CASZ1: variants seen among roughly 807,000 people sequenced by gnomAD.
The protein encoded by CASZ1 is castor zinc finger 1.
A neutral mutation model predicts 135.2 loss-of-function variants in CASZ1; 28 were observed. That is an observed-to-expected ratio of 0.21 (90% CI 0.15 to 0.28). The LOEUF is 0.28. Ranked by LOEUF, CASZ1 falls within the 10% of genes least tolerant of loss-of-function variation. CASZ1 has a pLI of 1.00. For synonymous variants in CASZ1, 1,068 were observed against 1,073.4 expected (o/e 0.99, Z 0.10); for missense variants, 2,161 against 2,453.3 (o/e 0.88, Z 2.52).
chr1:10,654,710 C>T, intron 9 of CASZ1, 119 bp from the exon 10 acceptor site: 1 of 954,446 alleles, frequency 1.0e-6, no homozygotes, highest in Non-Finnish European at 1.6e-6. Flanking sequence ...TTTGGCACCT[C>T]TGACTTCAAA....
At chr1:10,742,859 C>T (rs565317939) in intron 2 of CASZ1, among the ~76,000 whole-genome samples, 2 of 152,200 alleles carry the variant, frequency 1.3e-5, no homozygotes, top group African/African-American at 2.4e-5. Context: ...GTGGCACACG[C>T]CTGTAATCCC....
At chr1:10,768,717 C>T (rs765865916) in intron 1 of CASZ1, among the ~76,000 whole-genome samples, 1 of 152,182 alleles carries the variant, frequency 6.6e-6, no homozygotes, top group Non-Finnish European at 1.5e-5. Context: ...ATCAGCCGGC[C>T]GGGCTTGCTC....
intron 2 of CASZ1, among the ~76,000 whole-genome samples, chr1:10,718,668 C>T (rs762976293): frequency 6.6e-6 from 1 of 152,230 alleles, no homozygotes; most frequent in Non-Finnish European, 1.5e-5. Context: ...GACACAGTCA[C>T]CTCCATGCTT....
intron 2 of CASZ1, among the ~76,000 whole-genome samples, chr1:10,732,923 G>C (rs1440920500): frequency 6.6e-6 from 1 of 152,158 alleles, no homozygotes; most frequent in Admixed American, 6.5e-5. Flanking sequence ...TCCCAGGGAC[G>C]TGTTAATTAT....
In CASZ1 at chr1:10,643,012, C is replaced by G; in HGVS notation, c.4021-12G>C. On this transcript the variant is annotated splice_polypyrimidine_tract_variant and intron_variant, in intron 19 of 20. Transcript: ENST00000377022. ...AGGCCTGGGGGGCCCTGAAAGGACA[C>G]GGGGGTCCCTGAGGAAGTGGGGCTG... 1.2e-6 allele frequency: 2 copies of G among 1,610,446 alleles called. No individual in the cohort carries two copies. Among genetic ancestry groups the G allele is most frequent in the Non-Finnish European group, 1.7e-6 (2 of 1,178,134 alleles).
intron 1 of CASZ1, among the ~76,000 whole-genome samples, chr1:10,792,383 T>G (rs1640977803): frequency 1.2e-5 from 1 of 84,970 alleles, no homozygotes; most frequent in Non-Finnish European, 2.1e-5. Flanking sequence ...GGGGTGGGGT[T>G]GGGGGGGGTG....
chr1:10,678,599 G>A (rs544408040), intron 4 of CASZ1, among the ~76,000 whole-genome samples: 29 of 152,266 alleles, frequency 1.9e-4, no homozygotes, highest in African/African-American at 6.3e-4. Context: ...GCCGGCTCGC[G>A]CAGGGGCCGT....
At chr1:10,673,099 G>A (rs748852103) in intron 4 of CASZ1, among the ~76,000 whole-genome samples, 2 of 152,144 alleles carry the variant, frequency 1.3e-5, no homozygotes, top group Admixed American at 6.5e-5. Context: ...CCTGGGGACC[G>A]GGAGGGCCCT....
chr1:10,752,389 G>A (rs1049862001), intron 2 of CASZ1, among the ~76,000 whole-genome samples: 2 of 152,230 alleles, frequency 1.3e-5, no homozygotes, highest in Admixed American at 1.3e-4. Flanking sequence ...AGCCTCACCA[G>A]GGAAGGCGGT....
Position 10,694,341 on chromosome 1 carries a change from T to C in CASZ1, c.-23-429A>G. On this transcript the variant is annotated intron_variant, in intron 3 of 20. Coordinates refer to ENST00000377022, the MANE Select transcript of CASZ1 (RefSeq NM_001079843.3). The surrounding 1 kb of genome is among the most constrained non-coding windows in gnomAD (Gnocchi z 6.6). Reference sequence around the variant, plus strand: ...GCCGAATTCACTTAAATAATCAACTTTCATAATACTTAATTAATGCCTAAT... The same window carrying C: ...GCCGAATTCACTTAAATAATCAACTCTCATAATACTTAATTAATGCCTAAT... 1 of 1,147,772 alleles carries C rather than the reference T, an allele frequency of 8.7e-7. No homozygotes were observed. The highest frequency in any genetic ancestry group is 1.1e-6 in the Non-Finnish European group (1 of 908,388). The allele number at this position is 1,147,772 out of a possible 1,614,324, so 71.1% of individuals were successfully genotyped here. A position where few individuals can be genotyped will look rare whatever the true frequency, so the allele number is the denominator to read the frequency against.
chr1:10,772,823 T>C (rs1207054793), intron 1 of CASZ1, among the ~76,000 whole-genome samples: 1 of 152,172 alleles, frequency 6.6e-6, no homozygotes, highest in African/African-American at 2.4e-5. Context: ...AAGAGCTGTA[T>C]GGGTGGGCTC....
chr1:10,667,077 T>C (rs1557488193), intron 4 of CASZ1, among the ~76,000 whole-genome samples: 1 of 152,168 alleles, frequency 6.6e-6, no homozygotes, highest in African/African-American at 2.4e-5. Flanking sequence ...ACTCTAATGA[T>C]CACCCCCTGC....
chr1:10,743,424 C>T (rs563184666), intron 2 of CASZ1, among the ~76,000 whole-genome samples: 101 of 151,906 alleles, frequency 6.6e-4, no homozygotes, highest in African/African-American at 2.2e-3. Flanking sequence ...TGAAGGAGAG[C>T]CCTGGGAGAG....
intron 4 of CASZ1, among the ~76,000 whole-genome samples, chr1:10,668,546 C>T (rs769095909): frequency 6.6e-6 from 1 of 152,160 alleles, no homozygotes; most frequent in Non-Finnish European, 1.5e-5. Flanking sequence ...GAGGGGCTGC[C>T]GAGGTGGGCT....
At chr1:10,763,138 C>A (rs1003094655) in intron 1 of CASZ1, among the ~76,000 whole-genome samples, 1 of 152,218 alleles carries the variant, frequency 6.6e-6, no homozygotes, top group Non-Finnish European at 1.5e-5. Context: ...GCACAGGCCG[C>A]GGGGCCTTCC....
chr1:10,665,515 G>A lies in CASZ1; in HGVS notation c.73C>T (p.Arg25Cys), dbSNP rs200934862. 196 of 1,600,648 alleles carry A rather than the reference G, an allele frequency of 1.2e-4. No individual in the cohort carries two copies. Among genetic ancestry groups the A allele is most frequent in the Admixed American group, 1.7e-4 (10 of 59,634 alleles). The change falls in exon 5 of 21, where the codon CGC (arginine) becomes TGC (cysteine). Residue 25 changes from arginine (R) to cysteine (C), a missense_variant. Coordinates refer to ENST00000377022, the MANE Select transcript of CASZ1 (RefSeq NM_001079843.3). ...GCGTTCAGCTTCAGGCCACCCTTGC[G>A]TTTGGGCGCCATGGCGGGCTTGCCT... ...PAGKPAMAPK[R>C]KGGLKLNAIC...
At chr1:10,733,779 T>C (rs575371776) in intron 2 of CASZ1, among the ~76,000 whole-genome samples, 1 of 152,174 alleles carries the variant, frequency 6.6e-6, no homozygotes, top group African/African-American at 2.4e-5. Flanking sequence ...CACAGCTGGG[T>C]TGGAATCCTT....
intron 4 of CASZ1, among the ~76,000 whole-genome samples, chr1:10,674,510 G>C (rs60400988): frequency 0.022 from 3,419 of 152,354 alleles, 123 homozygotes; most frequent in African/African-American, 0.073. Context: ...CGACTCCAGA[G>C]ACCTGGCCCC....
At chr1:10,668,718 C>T (rs1643313737) in intron 4 of CASZ1, among the ~76,000 whole-genome samples, 1 of 152,248 alleles carries the variant, frequency 6.6e-6, no homozygotes, top group African/African-American at 2.4e-5. Flanking sequence ...CTCTGCCCTG[C>T]GCTAGCTCTG....
Sources: allele counts gnomAD v4.1 joint callset (sites outside exome capture counted in the v4.1 genomes callset), GRCh38; gene constraint gnomAD v4.1.1; non-coding constraint Gnocchi (gnomAD v3.1); transcripts MANE v1.5; gene names NCBI Gene and HGNC (gene_info 2026-07-23, HGNC 2026-07-21).